ARHGEF11: variants seen among roughly 807,000 people sequenced by gnomAD.
The protein encoded by ARHGEF11 is Rho guanine exchange factor (GEF) 11.
Under a neutral mutation model 193.7 loss-of-function variants are expected in ARHGEF11, and 55 were observed. The observed-to-expected ratio is 0.28, with a 90% CI of 0.23 to 0.36. ARHGEF11 has a LOEUF of 0.36. ARHGEF11 is among the 10% of genes least tolerant of loss of function. The pLI is 1.00. For synonymous variants in ARHGEF11, 693 were observed against 768.0 expected (o/e 0.90, Z 1.62); for missense variants, 1,723 against 2,005.6 (o/e 0.86, Z 2.69).
At chr1:157,015,367 A>T (rs1280559434) in intron 1 of ARHGEF11, among the ~76,000 whole-genome samples, 1 of 152,192 alleles carries the variant, frequency 6.6e-6, no homozygotes, top group Non-Finnish European at 1.5e-5. Flanking sequence ...ACAGGCTGTT[A>T]TGAGGATTAA....
chr1:156,958,619 C>T, intron 17 of ARHGEF11, 123 bp downstream of exon 17: 4 of 1,425,796 alleles, frequency 2.8e-6, no homozygotes, highest in Non-Finnish European at 3.8e-6. Context: ...GACTCCCCAT[C>T]TTTCAGGGGC....
rs1322111002 is a variant in ARHGEF11 at position 157,045,009 on chromosome 1, T to C, written c.-679A>G. ...GTGCAACCCTGGGAACCAAAATTTA[T>C]GGACTTCCTTAAAAAAAAAAAAGCT... On this transcript the variant is annotated 5_prime_UTR_variant, in exon 1 of 41. Coordinates refer to ENST00000368194, the MANE Select transcript of ARHGEF11 (RefSeq NM_198236.3). 1 of 151,320 alleles carries C rather than the reference T, an allele frequency of 6.6e-6. No individual in the cohort carries two copies. The highest frequency in any genetic ancestry group is 2.4e-5 in the African/African-American group (1 of 40,952). 9.4% of individuals were successfully genotyped at this position (151,320 alleles called of 1,614,324 possible). A position where few individuals can be genotyped will look rare whatever the true frequency, so the allele number is the denominator to read the frequency against.
At chr1:156,968,548 AT>A (rs66765186) in intron 10 of ARHGEF11, among the ~76,000 whole-genome samples, 29,691 of 152,148 alleles carry the variant, frequency 0.2, 3,007 homozygotes, top group East Asian at 0.33. Flanking sequence ...ACTTTCCCAC[AT>A]ACCGATCCTT....
At chr1:156,977,784 G>C (rs184426422) in intron 6 of ARHGEF11, among the ~76,000 whole-genome samples, 120 of 152,218 alleles carry the variant, frequency 7.9e-4, no homozygotes, top group Non-Finnish European at 1.3e-3. Context: ...CCTCAAAGCA[G>C]GCTTTTTTCT....
intron 1 of ARHGEF11, among the ~76,000 whole-genome samples, chr1:156,988,659 C>T (rs1665276985): frequency 6.6e-6 from 1 of 152,210 alleles, no homozygotes; most frequent in Non-Finnish European, 1.5e-5. Context: ...GTCCATGTCC[C>T]TGCTGTCAAC....
Position 156,961,762 on chromosome 1 carries a change from C to A in ARHGEF11, c.1154G>T (p.Cys385Phe). ...GCTTGCCTGCTGATAAACTTCTGCACACAGGTAAAAAAGCTAGGAGGAGAG... is the reference window on the plus strand; with the variant it reads ...GCTTGCCTGCTGATAAACTTCTGCAAACAGGTAAAAAAGCTAGGAGGAGAG... ...ADPSPLLFYL[C>F]AEVYQQASPK... The change falls in exon 14 of 41, where the codon TGT becomes TTT. Residue 385 changes from cysteine to phenylalanine, a missense_variant. Around this residue, in one of 5 missense-constraint regions of ARHGEF11, gnomAD observed 646 missense variants for 710.7 expected, o/e 0.91. Coordinates refer to ENST00000368194, the MANE Select transcript of ARHGEF11 (RefSeq NM_198236.3). 6.2e-7 allele frequency: 1 copy of A among 1,614,158 alleles called. No individual in the cohort carries two copies. Among genetic ancestry groups the A allele is most frequent in the Non-Finnish European group, 8.5e-7 (1 of 1,179,982 alleles).
chr1:156,936,324 T>C, intron 40 of ARHGEF11: 4 of 626,664 alleles, frequency 6.4e-6, no homozygotes, highest in South Asian at 4.4e-5. Flanking sequence ...AGTGTGGTTC[T>C]GAATCATTTA....
intron 1 of ARHGEF11, among the ~76,000 whole-genome samples, chr1:156,994,616 T>C (rs751410084): frequency 2.2e-4 from 34 of 152,076 alleles, no homozygotes; most frequent in Non-Finnish European, 4.4e-4. Flanking sequence ...GGCAGACAGG[T>C]GTGTGTGGAG....
chr1:156,957,612 TCATCACCCCTATGTTATGGTCATAC>T (rs1557857672), intron 18 of ARHGEF11, among the ~76,000 whole-genome samples, 155 bp downstream of exon 18: 1 of 152,232 alleles, frequency 6.6e-6, no homozygotes, highest in East Asian at 1.9e-4. Context: ...GGCGTGGGCC[TCATCACCCCTATGTTATGGTCATAC>T]AGACACCTGA....
Position 156,998,684 on chromosome 1 carries a change from C to A in ARHGEF11, c.33-12511G>T, listed in dbSNP as rs532144047. On this transcript the variant is annotated intron_variant, in intron 1 of 40. Transcript: ENST00000368194. ...TAAGCTACTGCCAAAGCAAGCACATCCTGCCTTGAAACACAAAATCAAGTC... is the reference window on the plus strand; with the variant it reads ...TAAGCTACTGCCAAAGCAAGCACATACTGCCTTGAAACACAAAATCAAGTC... Among the ~76,000 whole-genome samples the A allele has an allele frequency of 2.0e-5, 3 of 152,264 alleles. No individual in the cohort carries two copies. In the South Asian group the frequency reaches 6.2e-4, roughly 32 times the overall value.
chr1:156,990,631 G>C (rs149420700), intron 1 of ARHGEF11, among the ~76,000 whole-genome samples: 126 of 152,240 alleles, frequency 8.3e-4, no homozygotes, highest in Non-Finnish European at 1.3e-3. Flanking sequence ...CTTTTCTGGA[G>C]TAGTGCTATG....
At chr1:156,998,072 T>C (rs1421132992) in intron 1 of ARHGEF11, among the ~76,000 whole-genome samples, 1 of 152,116 alleles carries the variant, frequency 6.6e-6, no homozygotes, top group East Asian at 1.9e-4. Flanking sequence ...CAGCACCTGG[T>C]ATATATTTCT....
chr1:157,015,315 A>C (rs892596897), intron 1 of ARHGEF11, among the ~76,000 whole-genome samples: 1 of 152,218 alleles, frequency 6.6e-6, no homozygotes, highest in African/African-American at 2.4e-5. Flanking sequence ...AAGGTGCTTA[A>C]TGCTCTGTCT....
chr1:157,034,917 A>G (rs1671721568), intron 1 of ARHGEF11, among the ~76,000 whole-genome samples: 1 of 152,180 alleles, frequency 6.6e-6, no homozygotes, highest in African/African-American at 2.4e-5. Context: ...TTAACCAGCA[A>G]AGACTTCCTT....
upstream of ARHGEF11, among the ~76,000 whole-genome samples, chr1:157,046,816 C>T (rs1203911792): frequency 6.7e-6 from 1 of 149,648 alleles, no homozygotes; most frequent in Non-Finnish European, 1.5e-5. Flanking sequence ...CGAGACCATC[C>T]TGGGCCAACA....
rs1253713510 is a variant in ARHGEF11 at position 156,980,466 on chromosome 1, C to T, written c.244G>A (p.Gly82Ser). Residue 82 changes from glycine (G) to serine (S), a missense_variant, in exon 4 of 41, where the codon GGT becomes AGT. Gly to Ser is a moderately conservative substitution (Grantham distance 56). This residue lies in a region of ARHGEF11 where 646 missense variants were observed against 710.7 expected (regional missense o/e 0.91). Transcript: ENST00000368194. ...VRPGGAAMKA[G>S]VKEGDRIIKV... Reference sequence around the variant, plus strand: ...ATGATCCGGTCGCCCTCTTTCACACCGGCCTTCATGGCTGCACCTCCTGTA... The same window carrying T: ...ATGATCCGGTCGCCCTCTTTCACACTGGCCTTCATGGCTGCACCTCCTGTA... 8 of 1,601,830 alleles carry T rather than the reference C, an allele frequency of 5.0e-6. No homozygotes were observed. Among genetic ancestry groups the T allele is most frequent in the African/African-American group, 1.3e-5 (1 of 74,794 alleles).
At chr1:157,018,182 T>C (rs1442427993) in intron 1 of ARHGEF11, among the ~76,000 whole-genome samples, 5 of 152,148 alleles carry the variant, frequency 3.3e-5, no homozygotes, top group Non-Finnish European at 7.4e-5. Context: ...GAGAACTTAA[T>C]GACCTAAATA....
At chr1:156,967,058 T>C (rs956196432) in intron 11 of ARHGEF11, among the ~76,000 whole-genome samples, 3 of 152,212 alleles carry the variant, frequency 2.0e-5, no homozygotes, top group African/African-American at 7.2e-5. Flanking sequence ...TTAATATAAA[T>C]GGCAGCTTTC....
At chr1:156,945,272 T>G (rs1657906186) in intron 29 of ARHGEF11, 75 bp from the exon 30 acceptor site, 1 of 1,501,128 alleles carries the variant, frequency 6.7e-7, no homozygotes, top group Non-Finnish European at 9.0e-7. Flanking sequence ...GTTATCTGCC[T>G]ATTCATCCAT....
Sources: allele counts gnomAD v4.1 joint callset (sites outside exome capture counted in the v4.1 genomes callset), GRCh38; gene constraint gnomAD v4.1.1; regional missense constraint gnomAD v4.1.1; transcripts MANE v1.5; gene names NCBI Gene and HGNC (gene_info 2026-07-23, HGNC 2026-07-21).